AKR1B10: variants seen among roughly 807,000 people sequenced by gnomAD.
AKR1B10 encodes the protein aldo-keto reductase family 1 member B10, also known as ARP.
A neutral mutation model predicts 38.9 loss-of-function variants in AKR1B10; 39 were observed. The observed-to-expected ratio is 1.00, with a 90% CI of 0.78 to 1.31. The LOEUF (loss-of-function observed/expected upper bound fraction) is 1.31, where lower values mean the gene tolerates loss of function less well. Among genes scored for constraint, AKR1B10 ranks in the 50% most tolerant of loss-of-function variants. The pLI, the probability that AKR1B10 is intolerant of heterozygous loss-of-function variation, is 0.00. For synonymous variants in AKR1B10, 148 were observed against 141.2 expected, an observed-to-expected ratio of 1.05 and a Z score of -0.34; for missense variants, 361 against 382.6, an observed-to-expected ratio of 0.94 and a Z score of 0.47.
Position 134,537,740 on chromosome 7 carries a change from C to A in AKR1B10, c.741+79C>A, listed in dbSNP as rs1585756911. On this transcript the variant is annotated intron_variant, in intron 7 of 9. Coordinates refer to ENST00000359579, the MANE Select transcript of AKR1B10 (RefSeq NM_020299.5). ...GTTTCATATCCTGTGTTGTCCTCAA[C>A]AAACTCCTTAAAGGGGAAGAATATA... 6.5e-6 allele frequency: 10 copies of A among 1,541,648 alleles called. No homozygotes were observed. In the East Asian group the frequency reaches 2.3e-4, roughly 35 times the overall value.
Position 134,541,075 on chromosome 7 carries a change from A to C in AKR1B10, c.937A>C (p.Asn313His), listed in dbSNP as rs4728329. Residue 313 changes from asparagine (N) to histidine (H), a missense_variant, in exon 10 of 10, where the codon AAT becomes CAT. Physicochemically the swap from Asn to His is moderately conservative, Grantham distance 68. Around this residue, in one of 3 missense-constraint regions of AKR1B10, gnomAD observed 132 missense variants for 134.6 expected, o/e 0.98. Transcript: ENST00000359579. ...QSSHLEDYPF[N>H]AEY Reference sequence around the variant, plus strand: ...CTCTCATTTGGAAGACTATCCCTTCAATGCAGAATATTGAGGTTGAATCTC... The same window carrying C: ...CTCTCATTTGGAAGACTATCCCTTCCATGCAGAATATTGAGGTTGAATCTC... 1 of 1,579,836 alleles carries C rather than the reference A, an allele frequency of 6.3e-7. No individual in the cohort carries two copies. The highest frequency in any genetic ancestry group is 8.7e-7 in the Non-Finnish European group (1 of 1,149,898).
intron 4 of AKR1B10, chr7:134,535,505 C>A: frequency 1.6e-6 from 1 of 611,872 alleles, no homozygotes; most frequent in Non-Finnish European, 2.0e-6. Context: ...GTTCCCTGAA[C>A]ATGTCGTGCT....
At chr7:134,536,955 C>T in intron 5 of AKR1B10, 96 bp from the exon 6 acceptor site, 1 of 1,576,890 alleles carries the variant, frequency 6.3e-7, no homozygotes, top group South Asian at 1.2e-5. Flanking sequence ...GGTGTTTGGC[C>T]TTTGCTTGGT....
chr7:134,527,657 G>A lies in AKR1B10; in HGVS notation c.-255G>A. 1 of 299,868 alleles carries A rather than the reference G, an allele frequency of 3.3e-6. No homozygotes were observed. Among genetic ancestry groups the A allele is most frequent in the Non-Finnish European group, 6.5e-6 (1 of 154,966 alleles). 18.6% of individuals were successfully genotyped at this position (299,868 alleles called of 1,614,324 possible). The stretch of plus-strand genomic sequence containing the variant: ...GAGGTGGGCGGATCACCTGAGCTCA[G>A]GAGTTTGAGACCAGCCTGTCTCTAC... On this transcript the variant is annotated 5_prime_UTR_variant, in exon 1 of 10. Transcript: ENST00000359579.
intron 1 of AKR1B10, 97 bp from the exon 2 acceptor site, chr7:134,530,546 C>T: frequency 2.9e-6 from 4 of 1,386,764 alleles, no homozygotes; most frequent in Admixed American, 3.8e-5. Flanking sequence ...GGGAGGGTTG[C>T]TTGAACCTGG....
At chr7:134,531,109 G>T (rs1807844565) in intron 2 of AKR1B10, among the ~76,000 whole-genome samples, 1 of 152,194 alleles carries the variant, frequency 6.6e-6, no homozygotes, top group Non-Finnish European at 1.5e-5. Context: ...CTGCCCAGAG[G>T]CAATCAGAGG....
intron 2 of AKR1B10, 110 bp downstream of exon 2, chr7:134,530,920 T>C: frequency 7.1e-7 from 1 of 1,402,076 alleles, no homozygotes; most frequent in Non-Finnish European, 9.7e-7. Flanking sequence ...CCCCTTTTCA[T>C]CTCTGCCTTG....
chr7:134,532,866 C>T (rs77244289), intron 3 of AKR1B10, 138 bp from the exon 4 acceptor site: 31,518 of 666,086 alleles, frequency 0.047, 1,392 homozygotes, highest in African/African-American at 0.15. Flanking sequence ...ACTCACATTC[C>T]TAAAGTATGT....
chr7:134,528,821 C>T (rs1393573870), intron 1 of AKR1B10, among the ~76,000 whole-genome samples: 1 of 152,202 alleles, frequency 6.6e-6, no homozygotes, highest in South Asian at 2.1e-4. Context: ...TAATGGGCAT[C>T]TGCACTTTAA....
Position 134,530,654 on chromosome 7 carries a change from C to T in AKR1B10, c.78C>T (p.Gly26=). Residue 26 remains glycine (G), a synonymous_variant, in exon 2 of 10, where the codon GGC becomes GGT. Transcript: ENST00000359579. ...CTTTTGCCTTTCAGTCTCCTCTTGG[C>T]AAAGTGAAAGAAGCAGTGAAGGTGG... ...VGLGTWKSPL[G]KVKEAVKVAI... 2 of 1,613,916 alleles carry T rather than the reference C, an allele frequency of 1.2e-6. No individual in the cohort carries two copies. Among genetic ancestry groups the T allele is most frequent in the Non-Finnish European group, 1.7e-6 (2 of 1,179,882 alleles).
In AKR1B10 at chr7:134,541,289, G is replaced by C; in HGVS notation, c.*200G>C. On this transcript the variant is annotated 3_prime_UTR_variant, in exon 10 of 10. Coordinates refer to ENST00000359579, the MANE Select transcript of AKR1B10 (RefSeq NM_020299.5). ...GATCAGAATATCACAGAAAAGCATG[G>C]CTTGAATAAGGAAATGACAATTTTT... 2 of 510,772 alleles carry C rather than the reference G, an allele frequency of 3.9e-6. No homozygotes were observed. The highest frequency in any genetic ancestry group is 6.9e-6 in the Non-Finnish European group (2 of 291,930). The allele number at this position is 510,772 out of a possible 1,614,324, so 31.6% of individuals were successfully genotyped here.
At chr7:134,532,181 C>T (rs1343807463) in intron 3 of AKR1B10, among the ~76,000 whole-genome samples, 157 bp downstream of exon 3, 1 of 152,104 alleles carries the variant, frequency 6.6e-6, no homozygotes, top group African/African-American at 2.4e-5. Context: ...GGAGAAGAAA[C>T]ACACTGGCCT....
chr7:134,535,078 C>G (rs2117546569), intron 4 of AKR1B10, among the ~76,000 whole-genome samples: 1 of 152,130 alleles, frequency 6.6e-6, no homozygotes, highest in Admixed American at 6.5e-5. Context: ...CCTCGGACTC[C>G]TGGGCTGAAG....
intron 4 of AKR1B10, among the ~76,000 whole-genome samples, chr7:134,534,406 G>A (rs1455068676): frequency 6.6e-6 from 1 of 152,156 alleles, no homozygotes; most frequent in Admixed American, 6.5e-5. Flanking sequence ...ACAGGTGTGA[G>A]CCACCACACC....
In AKR1B10 at chr7:134,530,630, T is replaced by G; in HGVS notation, c.67-13T>G. ...AAAACACATATGTGATGAGCTTTTC[T>G]TTTGCCTTTCAGTCTCCTCTTGGCA... On this transcript the variant is annotated splice_polypyrimidine_tract_variant and intron_variant, in intron 1 of 9. Transcript: ENST00000359579. The G allele has an allele frequency of 6.2e-7, 1 of 1,613,754 alleles. No individual in the cohort carries two copies. Among genetic ancestry groups the G allele is most frequent in the East Asian group, 2.2e-5 (1 of 44,854 alleles).
chr7:134,538,181 C>T lies in AKR1B10; in HGVS notation c.742-13C>T. The stretch of plus-strand genomic sequence containing the variant: ...GGAGCTGAGTGGAAGCCTGATGTCC[C>T]CTTTCCGCATAGGTTCTGATCCGTT... On this transcript the variant is annotated splice_polypyrimidine_tract_variant and intron_variant, in intron 7 of 9. Transcript: ENST00000359579. 6.2e-7 allele frequency: 1 copy of T among 1,613,080 alleles called. No homozygotes were observed. Among genetic ancestry groups the T allele is most frequent in the Non-Finnish European group, 8.5e-7 (1 of 1,179,076 alleles).
At chr7:134,540,991 T>G (rs1206315103) in intron 9 of AKR1B10, 56 bp from the exon 10 acceptor site, 2 of 1,249,450 alleles carry the variant, frequency 1.6e-6, no homozygotes, top group African/African-American at 1.5e-5. Flanking sequence ...TCAACCAGAG[T>G]TGTTGTTTTG....
chr7:134,528,076 G>C, intron 1 of AKR1B10, 99 bp downstream of exon 1: 1 of 1,461,328 alleles, frequency 6.8e-7, no homozygotes, highest in Non-Finnish European at 9.4e-7. Flanking sequence ...GTCGGGCAGG[G>C]GTTGGAGAGG....
At chr7:134,535,969 AG>A (rs2117548790) in intron 4 of AKR1B10, among the ~76,000 whole-genome samples, 1 of 152,352 alleles carries the variant, frequency 6.6e-6, no homozygotes, top group Admixed American at 6.5e-5. Context: ...AATTATACAA[AG>A]ATTCCCTTCC....
Sources: allele counts gnomAD v4.1 joint callset (sites outside exome capture counted in the v4.1 genomes callset), GRCh38; gene constraint gnomAD v4.1.1; regional missense constraint gnomAD v4.1.1; transcripts MANE v1.5; gene names NCBI Gene and HGNC (gene_info 2026-07-23, HGNC 2026-07-21).